The following AKT3 variants were observed in gnomAD, a reference collection of about 807,000 sequenced individuals.
AKT3 encodes the protein AKT serine/threonine kinase 3.
In AKT3, 15 loss-of-function variants were observed where a neutral mutation model predicts 65.3. The observed-to-expected ratio is 0.23, with a 90% confidence interval of 0.15 to 0.35. The LOEUF is 0.35. AKT3 is among the 10% of genes least tolerant of loss of function. AKT3 has a pLI of 1.00. For synonymous variants in AKT3, 206 were observed against 183.8 expected (o/e 1.12, Z -0.98); for missense variants, 243 against 576.5 (o/e 0.42, Z 5.92).
chr1:243,564,010 A>C (rs768697089), intron 9 of AKT3, among the ~76,000 whole-genome samples, 162 bp from the exon 10 acceptor site: 1 of 152,238 alleles, frequency 6.6e-6, no homozygotes, highest in Non-Finnish European at 1.5e-5. Flanking sequence ...CTTCACGTGT[A>C]AAAAGAAACA....
At chr1:243,833,971 T>C (rs1373009514) in intron 2 of AKT3, among the ~76,000 whole-genome samples, 4 of 152,078 alleles carry the variant, frequency 2.6e-5, no homozygotes, top group South Asian at 2.1e-4. Flanking sequence ...ATTTGATAGT[T>C]TGGATTCTAA....
rs2148362850 is a variant in AKT3, at chr1:243,799,870, T to C, written c.46+43255A>G. ...TTCAAAGGAAAACTATCTAGCACTT[T>C]GGGGCACTTATTAAATAGTGAAAAG... On this transcript the variant is annotated intron_variant, in intron 2 of 13. Coordinates refer to ENST00000673466, the MANE Select transcript of AKT3 (RefSeq NM_005465.7). 2.0e-5 allele frequency among the ~76,000 whole-genome samples: 3 copies of C among 152,332 alleles called. 1 individual carries two copies. The South Asian group carries it at 6.2e-4, about 32-fold the overall frequency.
chr1:243,643,232 G>T lies in AKT3; in HGVS notation c.429+2661C>A, dbSNP rs1474916234. Among the ~76,000 whole-genome samples the T allele has an allele frequency of 2.0e-5, 3 of 152,160 alleles. No homozygotes were observed. The East Asian group carries it at 5.8e-4, about 29-fold the overall frequency. On this transcript the variant is annotated intron_variant, in intron 5 of 13. Transcript: ENST00000673466. ...CACTGGTATGAGTTACTACAGCCAG[G>T]AATTAGGTGATACAATCCCAAGAAC...
chr1:243,586,430 T>C (rs1189616290), intron 8 of AKT3, among the ~76,000 whole-genome samples: 2 of 152,150 alleles, frequency 1.3e-5, no homozygotes, highest in Admixed American at 1.3e-4. Context: ...TTCTATAAAG[T>C]AGACACAGGC....
intron 1 of AKT3, among the ~76,000 whole-genome samples, chr1:243,845,337 T>C (rs1336882111): frequency 2.8e-5 from 2 of 70,602 alleles, no homozygotes; most frequent in African/African-American, 1.1e-4. Context: ...CAAAAAGGGA[T>C]ATTAGTTTGT....
At chr1:243,537,053 A>G (rs1055489021) in intron 12 of AKT3, among the ~76,000 whole-genome samples, 15 of 152,174 alleles carry the variant, frequency 9.9e-5, no homozygotes, top group Non-Finnish European at 2.2e-4. Context: ...TCTCAACCAG[A>G]AAGTAGAAAG....
chr1:243,788,043 T>C (rs1691374106), intron 2 of AKT3, among the ~76,000 whole-genome samples: 1 of 151,508 alleles, frequency 6.6e-6, no homozygotes, highest in Non-Finnish European at 1.5e-5. Flanking sequence ...TTGAGAACCC[T>C]ATTCTAAAAA....
chr1:243,535,145 T>A (rs989983758), intron 12 of AKT3, among the ~76,000 whole-genome samples: 3 of 53,570 alleles, frequency 5.6e-5, no homozygotes, highest in African/African-American at 1.1e-4. Context: ...AAATTAAAAA[T>A]TTTAAAATAT....
rs189486611 is a variant in AKT3, at chr1:243,501,511, G to T, written c.*3738C>A. 5.3e-4 allele frequency: 124 copies of T among 233,216 alleles called. No homozygotes were observed. Among genetic ancestry groups the T allele is most frequent in the African/African-American group, 2.3e-3 (104 of 45,422 alleles). The allele number at this position is 233,216 out of a possible 1,614,324, so 14.4% of individuals were successfully genotyped here. On this transcript the variant is annotated 3_prime_UTR_variant, in exon 14 of 14. Transcript: ENST00000673466. Reference sequence around the variant, plus strand: ...ATCCATCCTAAATCCAGTGCTGAGAGGTCAGCGTTTCCCCTCAGAAGCAGC... The same window carrying T: ...ATCCATCCTAAATCCAGTGCTGAGATGTCAGCGTTTCCCCTCAGAAGCAGC...
chr1:243,677,627 AT>A (rs1025341266), intron 3 of AKT3, among the ~76,000 whole-genome samples: 3 of 150,710 alleles, frequency 2.0e-5, no homozygotes, highest in South Asian at 2.1e-4. Flanking sequence ...TACTTGAGAT[AT>A]TTTTTTTTCC....
At chr1:243,750,286 C>T (rs1350080700) in intron 2 of AKT3, among the ~76,000 whole-genome samples, 2 of 152,000 alleles carry the variant, frequency 1.3e-5, no homozygotes, top group African/African-American at 4.8e-5. Context: ...CTTGCATTAA[C>T]ATACATTTTG....
At chr1:243,645,356 C>T (rs1055078983) in intron 5 of AKT3, among the ~76,000 whole-genome samples, 4 of 152,032 alleles carry the variant, frequency 2.6e-5, no homozygotes, top group East Asian at 1.9e-4. Flanking sequence ...AATATAAATT[C>T]GTACTTATTA....
At chr1:243,828,556 C>T (rs1424787437) in intron 2 of AKT3, among the ~76,000 whole-genome samples, 3 of 152,168 alleles carry the variant, frequency 2.0e-5, no homozygotes, top group Admixed American at 6.6e-5. Flanking sequence ...CCTCCTCAGC[C>T]TACTTGACTT....
chr1:243,497,208 A>G (rs1668151684), downstream of AKT3, among the ~76,000 whole-genome samples: 1 of 152,168 alleles, frequency 6.6e-6, no homozygotes, highest in Admixed American at 6.5e-5. Context: ...TGTCTCGGTC[A>G]GAGAAATGTG....
At chr1:243,610,828 C>T (rs138809734) in intron 8 of AKT3, among the ~76,000 whole-genome samples, 12 of 152,254 alleles carry the variant, frequency 7.9e-5, no homozygotes, top group African/African-American at 2.6e-4. Context: ...ATGCTTTATA[C>T]TCGTCTGCAC....
At chr1:243,806,059 G>C (rs73117450) in intron 2 of AKT3, among the ~76,000 whole-genome samples, 4,965 of 152,092 alleles carry the variant, frequency 0.033, 154 homozygotes, top group African/African-American at 0.073. Context: ...CTATTGCCTA[G>C]AACACCCTTC....
chr1:243,663,266 T>C (rs1031188612), intron 4 of AKT3, among the ~76,000 whole-genome samples: 1 of 152,186 alleles, frequency 6.6e-6, no homozygotes, highest in Non-Finnish European at 1.5e-5. Flanking sequence ...ACCTGCCTAG[T>C]CTATTAGAGT....
intron 9 of AKT3, among the ~76,000 whole-genome samples, chr1:243,566,397 C>G (rs1674158902): frequency 6.6e-6 from 1 of 152,192 alleles, no homozygotes; most frequent in Non-Finnish European, 1.5e-5. Context: ...TGTAGTGCTA[C>G]AACTGGGCAG....
intron 2 of AKT3, among the ~76,000 whole-genome samples, chr1:243,777,353 G>A (rs1026082488): frequency 6.6e-6 from 1 of 152,208 alleles, no homozygotes; most frequent in African/African-American, 2.4e-5. Context: ...CTCCTGCCGT[G>A]TGGCCTGGCA....
Sources: gnomAD v4.1 joint callset for allele counts (sites outside exome capture counted in the v4.1 genomes callset) on GRCh38, gnomAD v4.1.1 for gene constraint, MANE v1.5 for transcripts, NCBI Gene and HGNC (gene_info 2026-07-23, HGNC 2026-07-21) for gene names.